The following EML5 variants were observed in gnomAD, a reference collection of about 807,000 sequenced individuals.
The protein encoded by EML5 is EMAP like 5.
Under a neutral mutation model 250.0 loss-of-function variants are expected in EML5, and 120 were observed. That is an observed-to-expected ratio of 0.48 (90% CI 0.41 to 0.56). The LOEUF (loss-of-function observed/expected upper bound fraction) is 0.56, where lower values mean the gene tolerates loss of function less well. EML5 is among the 20% of genes least tolerant of loss of function. The pLI is 0.00. For synonymous variants in EML5, 771 were observed against 806.5 expected (o/e 0.96, Z 0.75); for missense variants, 2,006 against 2,437.6 (o/e 0.82, Z 3.73).
chr14:88,785,860 A>T (rs573339021), intron 1 of EML5, among the ~76,000 whole-genome samples: 1 of 152,244 alleles, frequency 6.6e-6, no homozygotes, highest in South Asian at 2.1e-4. Flanking sequence ...AGCCAGAGTG[A>T]CTTTGTTAAA....
In EML5 at chr14:88,696,972, G is replaced by C; in HGVS notation, c.2239-20C>G. ...ACCAACCTAAAATAGAATTATAGAA[G>C]CTATTAAATACAATTAAATTATTTA... On this transcript the variant is annotated intron_variant, in intron 14 of 43. Transcript: ENST00000554922. 1 of 1,439,394 alleles carries C rather than the reference G, an allele frequency of 6.9e-7. No homozygotes were observed. The highest frequency in any genetic ancestry group is 1.4e-5 in the South Asian group (1 of 72,322). 89.2% of individuals were successfully genotyped at this position (1,439,394 alleles called of 1,614,324 possible). A position where few individuals can be genotyped will look rare whatever the true frequency, so the allele number is the denominator to read the frequency against.
chr14:88,664,424 G>A (rs187728818), intron 23 of EML5, 69 bp downstream of exon 23: 164 of 1,294,492 alleles, frequency 1.3e-4, no homozygotes, highest in Middle Eastern at 2.8e-4. Context: ...TCACTTTTCC[G>A]TTTCTCTAAT....
intron 3 of EML5, 58 bp downstream of exon 3, chr14:88,746,127 C>T: frequency 1.5e-6 from 2 of 1,360,232 alleles, no homozygotes; most frequent in South Asian, 1.3e-5. Context: ...ATCTCCTGAA[C>T]TCTCTTCTGG....
At position 88,657,506 on chromosome 14, in the gene EML5, C is replaced by T. The variant is rs1595399213; in HGVS notation, c.3878-4G>A. The T allele has an allele frequency of 6.3e-7, 1 of 1,585,228 alleles. No homozygotes were observed. ...CTTGTAACATCACTGTCATAGCCTA[C>T]AATAAAAATATACGAGTAATTCTTT... On this transcript the variant is annotated splice_polypyrimidine_tract_variant and splice_region_variant and intron_variant, in intron 26 of 43. Transcript: ENST00000554922.
intron 33 of EML5, among the ~76,000 whole-genome samples, chr14:88,632,452 A>T (rs919648116): frequency 4.6e-5 from 7 of 152,056 alleles, no homozygotes; most frequent in Non-Finnish European, 1.0e-4. Context: ...CATGAATCCA[A>T]ACTCTTCTCC....
chr14:88,651,925 T>C (rs1396209379), intron 27 of EML5, among the ~76,000 whole-genome samples: 2 of 152,166 alleles, frequency 1.3e-5, no homozygotes, highest in South Asian at 2.1e-4. Flanking sequence ...ACTTGAAATA[T>C]ACCATAAGTT....
intron 17 of EML5, among the ~76,000 whole-genome samples, chr14:88,693,176 C>T (rs996107993): frequency 1.3e-5 from 2 of 152,108 alleles, no homozygotes; most frequent in African/African-American, 4.8e-5. Context: ...AAAGTCTGGA[C>T]ATAATTTGAT....
chr14:88,621,315 A>G lies in EML5; in HGVS notation c.5014-14T>C, dbSNP rs1567019388. The G allele has an allele frequency of 6.2e-7, 1 of 1,613,788 alleles. No homozygotes were observed. The highest frequency in any genetic ancestry group is 8.5e-7 in the Non-Finnish European group (1 of 1,179,772). ...AAGGATCTTGCCCTGAAACACAAGC[A>G]GGACCAATACAGTGAATGTAATACA... On this transcript the variant is annotated splice_polypyrimidine_tract_variant and intron_variant, in intron 37 of 43. Transcript: ENST00000554922.
chr14:88,729,568 T>G (rs36124282), intron 7 of EML5, among the ~76,000 whole-genome samples: 26,779 of 151,666 alleles, frequency 0.18, 2,936 homozygotes, highest in East Asian at 0.47. Context: ...GTTTTTTGTT[T>G]TTTGTTTTTT....
intron 8 of EML5, among the ~76,000 whole-genome samples, chr14:88,717,041 A>T (rs528571263): frequency 5.1e-4 from 78 of 152,360 alleles, no homozygotes; most frequent in African/African-American, 1.8e-3. Context: ...AGTTCATAAT[A>T]CATCACAAAG....
chr14:88,791,786 T>C (rs2094610572), intron 1 of EML5, among the ~76,000 whole-genome samples: 1 of 152,160 alleles, frequency 6.6e-6, no homozygotes. Context: ...CTGCTGATTA[T>C]AGCAGGCGGT....
intron 35 of EML5, 81 bp from the exon 36 acceptor site, chr14:88,625,208 T>A: frequency 6.8e-7 from 1 of 1,475,656 alleles, no homozygotes; most frequent in Non-Finnish European, 9.2e-7. Context: ...TATGTATGTG[T>A]AATGCTGTCT....
intron 1 of EML5, among the ~76,000 whole-genome samples, chr14:88,782,739 A>G (rs2094509684): frequency 6.6e-6 from 1 of 152,184 alleles, no homozygotes; most frequent in Non-Finnish European, 1.5e-5. Flanking sequence ...TGTGCAGAAG[A>G]CAAGAACTGA....
intron 8 of EML5, among the ~76,000 whole-genome samples, chr14:88,726,161 C>T (rs2093663695): frequency 6.6e-6 from 1 of 152,040 alleles, no homozygotes; most frequent in Admixed American, 6.6e-5. Context: ...TAAATAACAA[C>T]AACAACAACA....
At chr14:88,654,956 C>T (rs374436164) in intron 27 of EML5, among the ~76,000 whole-genome samples, 28 of 152,194 alleles carry the variant, frequency 1.8e-4, no homozygotes, top group African/African-American at 6.7e-4. Context: ...AATCTGGGTG[C>T]TCCTGTATTG....
chr14:88,743,341 A>AT (rs1247711076), intron 4 of EML5, among the ~76,000 whole-genome samples: 1 of 152,080 alleles, frequency 6.6e-6, no homozygotes, highest in East Asian at 1.9e-4. Flanking sequence ...ATCACCATAC[A>AT]TTTTTATGTA....
intron 7 of EML5, among the ~76,000 whole-genome samples, chr14:88,730,782 G>C (rs1232071331): frequency 6.6e-6 from 1 of 152,100 alleles, no homozygotes; most frequent in African/African-American, 2.4e-5. Context: ...ACCTAAATTG[G>C]AATCTGCTAA....
intron 1 of EML5, among the ~76,000 whole-genome samples, chr14:88,773,434 G>T (rs2094415132): frequency 1.3e-5 from 2 of 152,162 alleles, no homozygotes; most frequent in African/African-American, 4.8e-5. Flanking sequence ...ATTTAAGGAG[G>T]TCCCAGTACT....
intron 13 of EML5, 29 bp downstream of exon 13, chr14:88,704,831 C>A (rs555979898): frequency 6.4e-7 from 1 of 1,569,996 alleles, no homozygotes; most frequent in South Asian, 1.1e-5. Flanking sequence ...AAAATTCAAA[C>A]AAATAAATGA....
Sources: allele counts gnomAD v4.1 joint callset (sites outside exome capture counted in the v4.1 genomes callset), GRCh38; gene constraint gnomAD v4.1.1; transcripts MANE v1.5; gene names NCBI Gene and HGNC (gene_info 2026-07-23, HGNC 2026-07-21).